Variants in ZMYND19 observed in about 807,000 individuals in gnomAD.
ZMYND19 encodes zinc finger MYND domain-containing protein 19.
ZMYND19 carries 17 observed loss-of-function variants against 32.0 expected under a neutral mutation model. The observed-to-expected ratio is 0.53, with a 90% confidence interval of 0.36 to 0.80. The LOEUF (loss-of-function observed/expected upper bound fraction) is 0.80, where lower values mean the gene tolerates loss of function less well. Ranked by LOEUF, ZMYND19 falls within the 30% of genes least tolerant of loss-of-function variation. The pLI is 0.00. For missense variants in ZMYND19, 250 were observed against 293.6 expected (o/e 0.85, Z 1.09); for synonymous variants, 124 against 113.6 (o/e 1.09, Z -0.58).
In ZMYND19 at chr9:137,590,147, C is replaced by CCCCCGGCCCCGGA; in HGVS notation, c.51+65_51+66insTCCGGGGCCGGGG. 1 of 990,384 alleles carries CCCCCGGCCCCGGA rather than the reference C, an allele frequency of 1.0e-6. No homozygotes were observed. The allele number at this position is 990,384 out of a possible 1,614,324, so 61.3% of individuals were successfully genotyped here. On this transcript the variant is annotated intron_variant, in intron 1 of 5. Coordinates refer to ENST00000298585, the MANE Select transcript of ZMYND19 (RefSeq NM_138462.3). The surrounding 1 kb of genome is among the most constrained non-coding windows in gnomAD (Gnocchi z 4.2). ...GCCCCGGCCGCCGCCCGCACAACCG[C>CCCCCGGCCCCGGA]CCCCGGCCCCGCGCGGAGGCCTGGA...
intron 3 of ZMYND19, chr9:137,587,405 T>C (rs1842217965): frequency 1.7e-6 from 1 of 592,486 alleles, no homozygotes; most frequent in African/African-American, 1.9e-5. Context: ...TCGAGACAGC[T>C]CCCCATCTGA....
At position 137,586,949 on chromosome 9, in the gene ZMYND19, G is replaced by A. The variant is rs959792873; in HGVS notation, c.359+18C>T. On this transcript the variant is annotated intron_variant, in intron 4 of 5. Transcript: ENST00000298585. ...AAAGGCGCCTCTGCTGGCATCGCCA[G>A]GCCCTGAGAAGACCCACCTCTGCTT... The A allele has an allele frequency of 1.2e-6, 2 of 1,611,216 alleles. No individual in the cohort carries two copies. Among genetic ancestry groups the A allele is most frequent in the South Asian group, 1.1e-5 (1 of 91,092 alleles).
chr9:137,582,735 G>T, intron 5 of ZMYND19, 49 bp from the exon 6 acceptor site: 1 of 1,597,558 alleles, frequency 6.3e-7, no homozygotes. Flanking sequence ...GGGACGCAGT[G>T]TGGGGCAAAG....
At chr9:137,582,762 A>G in intron 5 of ZMYND19, 76 bp from the exon 6 acceptor site, 3 of 1,563,992 alleles carry the variant, frequency 1.9e-6, no homozygotes, top group Non-Finnish European at 2.6e-6. Flanking sequence ...TCTTACGGAC[A>G]ATCTGACGGA....
At position 137,586,987 on chromosome 9, in the gene ZMYND19, T is replaced by C; in HGVS notation, c.339A>G (p.Glu113=). The part of the protein sequence containing the change: ...LVPWGWRPKA[E]ETSSKQREQS... ...CCCACCTCTGCTTGCTGGAGGTCTC[T>C]TCAGCCTTGGGCCGCCAGCCCCACG... Residue 113 remains glutamate (E), a synonymous_variant, in exon 4 of 6, where the codon GAA becomes GAG. Transcript: ENST00000298585. The C allele has an allele frequency of 1.2e-6, 2 of 1,612,458 alleles. No individual in the cohort carries two copies. Among genetic ancestry groups the C allele is most frequent in the Non-Finnish European group, 1.7e-6 (2 of 1,180,016 alleles).
intron 3 of ZMYND19, 194 bp from the exon 4 acceptor site, chr9:137,587,301 C>T: frequency 1.1e-6 from 1 of 895,282 alleles, no homozygotes; most frequent in Non-Finnish European, 1.6e-6. Context: ...GATCTGTGGC[C>T]CAAACAGGAC....
At chr9:137,583,421 G>A (rs1842169443) in intron 4 of ZMYND19, among the ~76,000 whole-genome samples, 1 of 152,208 alleles carries the variant, frequency 6.6e-6, no homozygotes, top group African/African-American at 2.4e-5. Flanking sequence ...CACACAGTAG[G>A]CAGGAGACAG....
In ZMYND19 at chr9:137,587,020, T is replaced by C. The variant is rs1842212786; in HGVS notation, c.306A>G (p.Gln102=). 3 of 1,612,464 alleles carry C rather than the reference T, an allele frequency of 1.9e-6. No homozygotes were observed. Among genetic ancestry groups the C allele is most frequent in the Non-Finnish European group, 2.5e-6 (3 of 1,180,014 alleles). The part of the protein sequence containing the change: ...VTVDNRLDNL[Q]LVPWGWRPKA... The stretch of plus-strand genomic sequence containing the variant: ...TGGGCCGCCAGCCCCACGGCACCAG[T>C]TGCAGGTTGTCCAGGCGATTGTCCA... The change falls in exon 4 of 6, where the codon CAA becomes CAG. Residue 102 remains glutamine (Q), a synonymous_variant. Coordinates refer to ENST00000298585, the MANE Select transcript of ZMYND19 (RefSeq NM_138462.3).
intron 2 of ZMYND19, 148 bp downstream of exon 2, chr9:137,588,511 G>T (rs983183557): frequency 3.6e-6 from 3 of 838,200 alleles, no homozygotes; most frequent in Admixed American, 2.4e-5. Flanking sequence ...TCGAAGTGGG[G>T]CTGACGGCTC....
Position 137,582,279 on chromosome 9 carries a change from A to G in ZMYND19, c.*264T>C, listed in dbSNP as rs1842155030. 1 of 360,004 alleles carries G rather than the reference A, an allele frequency of 2.8e-6. No homozygotes were observed. The highest frequency in any genetic ancestry group is 5.0e-6 in the Non-Finnish European group (1 of 200,862). The allele number at this position is 360,004 out of a possible 1,614,324, so 22.3% of individuals were successfully genotyped here. A position where few individuals can be genotyped will look rare whatever the true frequency, so the allele number is the denominator to read the frequency against. Reference sequence around the variant, plus strand: ...CCTTCCCATTGCCTCCCCCCCAAAAAAAACTGTACATGAGTTTACAAACAT... The same window carrying G: ...CCTTCCCATTGCCTCCCCCCCAAAAGAAACTGTACATGAGTTTACAAACAT... On this transcript the variant is annotated 3_prime_UTR_variant, in exon 6 of 6. Transcript: ENST00000298585.
At chr9:137,588,830 G>T in intron 1 of ZMYND19, 112 bp from the exon 2 acceptor site, 1 of 1,231,242 alleles carries the variant, frequency 8.1e-7, no homozygotes, top group Non-Finnish European at 1.2e-6. Flanking sequence ...GAAGTGGAAA[G>T]TAACTACAGG....
intron 1 of ZMYND19, chr9:137,589,525 G>C: frequency 1.0e-6 from 1 of 985,476 alleles, no homozygotes; most frequent in African/African-American, 1.7e-5. Context: ...AGGTGGCTCC[G>C]AGAAACCGCC....
chr9:137,588,667 A>G lies in ZMYND19; in HGVS notation c.103T>C (p.Ser35Pro). 6.2e-7 allele frequency: 1 copy of G among 1,614,184 alleles called. No individual in the cohort carries two copies. Among genetic ancestry groups the G allele is most frequent in the Non-Finnish European group, 8.5e-7 (1 of 1,179,990 alleles). The change falls in exon 2 of 6, where the codon TCC becomes CCC. Residue 35 changes from serine (S) to proline (P), a missense_variant. Physicochemically the swap from Ser to Pro is moderately conservative, Grantham distance 74. Transcript: ENST00000298585. ...EQDIPLVESYSFEARMEVDAD... is the reference protein window; with the variant it reads ...EQDIPLVESYPFEARMEVDAD... ...CAGCCATCCTTACTTACCTCAAAGG[A>G]GTAGCTCTCCACCAGCGGGATGTCC...
chr9:137,585,019 A>G (rs906335556), intron 4 of ZMYND19, among the ~76,000 whole-genome samples: 4 of 152,148 alleles, frequency 2.6e-5, no homozygotes, highest in African/African-American at 4.8e-5. Context: ...CCATTCAACA[A>G]TCGTAAGAGG....
chr9:137,590,269 G>A lies in ZMYND19; in HGVS notation c.-6C>T. On this transcript the variant is annotated 5_prime_UTR_variant, in exon 1 of 6. Transcript: ENST00000298585. This position sits in a 1 kb window ranked among gnomAD's most constrained non-coding sequence, Gnocchi z 4.2. ...CCCAATTTGAAGTCGGTCATGGCCGGGCCTGCGCTCTCGGCCGGCAGCGCC... is the reference window on the plus strand; with the variant it reads ...CCCAATTTGAAGTCGGTCATGGCCGAGCCTGCGCTCTCGGCCGGCAGCGCC... 9.1e-7 allele frequency: 1 copy of A among 1,098,670 alleles called. No individual in the cohort carries two copies. Among genetic ancestry groups the A allele is most frequent in the South Asian group, 2.6e-5 (1 of 39,210 alleles). 68.1% of individuals were successfully genotyped at this position (1,098,670 alleles called of 1,614,324 possible).
chr9:137,583,732 A>C (rs1048649038), intron 4 of ZMYND19, among the ~76,000 whole-genome samples: 1 of 152,206 alleles, frequency 6.6e-6, no homozygotes, highest in Non-Finnish European at 1.5e-5. Flanking sequence ...CGTTCTCCGA[A>C]GCCAGACCCT....
rs564961087 is a variant in ZMYND19 at position 137,589,949 on chromosome 9, G to A, written c.51+264C>T. On this transcript the variant is annotated intron_variant, in intron 1 of 5. Coordinates refer to ENST00000298585, the MANE Select transcript of ZMYND19 (RefSeq NM_138462.3). The stretch of plus-strand genomic sequence containing the variant: ...ATCTCCGCACCCGGCTCGGGACAGG[G>A]CCGTGGCCTCCACCTCCGGCAGGGC... 4.8e-5 allele frequency: 47 copies of A among 985,362 alleles called. 1 individual carries two copies. The African/African-American group carries it at 8.0e-4, about 17-fold the overall frequency. The allele number at this position is 985,362 out of a possible 1,614,324, so 61.0% of individuals were successfully genotyped here. A position where few individuals can be genotyped will look rare whatever the true frequency, so the allele number is the denominator to read the frequency against.
chr9:137,583,246 T>C, intron 4 of ZMYND19, 83 bp from the exon 5 acceptor site: 5 of 1,491,886 alleles, frequency 3.4e-6, no homozygotes, highest in Non-Finnish European at 4.6e-6. Context: ...CTCCATAGAG[T>C]GCCATCCTGC....
In ZMYND19 at chr9:137,587,047, G is replaced by A. The variant is rs767307505; in HGVS notation, c.279C>T (p.Thr93=). 8.1e-6 allele frequency: 13 copies of A among 1,611,442 alleles called. No individual in the cohort carries two copies. Among genetic ancestry groups the A allele is most frequent in the South Asian group, 6.6e-5 (6 of 91,090 alleles). ...GFQVVHLNAV[T]VDNRLDNLQL... ...GCAGGTTGTCCAGGCGATTGTCCACGGTCACAGCGTTGAGGTGCACCACCT... is the reference window on the plus strand; with the variant it reads ...GCAGGTTGTCCAGGCGATTGTCCACAGTCACAGCGTTGAGGTGCACCACCT... Residue 93 remains threonine, a synonymous_variant, in exon 4 of 6, where the codon ACC becomes ACT. Coordinates refer to ENST00000298585, the MANE Select transcript of ZMYND19 (RefSeq NM_138462.3).
Sources: gnomAD v4.1 joint callset for allele counts (sites outside exome capture counted in the v4.1 genomes callset) on GRCh38, gnomAD v4.1.1 for gene constraint, Gnocchi (gnomAD v3.1) non-coding constraint, MANE v1.5 for transcripts, NCBI Gene and HGNC (gene_info 2026-07-23, HGNC 2026-07-21) for gene names.